Variants in SELENON observed in about 807,000 individuals in gnomAD.
SELENON encodes selenoprotein N, 1.
SELENON carries 44 observed loss-of-function variants against 59.5 expected under a neutral mutation model. That is an observed-to-expected ratio of 0.74 (90% confidence interval 0.58 to 0.95). SELENON has a LOEUF of 0.95. Ranked by LOEUF, SELENON falls within the 40% of genes least tolerant of loss-of-function variation. The pLI, the probability that SELENON is intolerant of heterozygous loss-of-function variation, is 0.00. For synonymous variants in SELENON, 320 were observed against 305.6 expected (o/e 1.05, Z -0.49); for missense variants, 674 against 721.4 (o/e 0.93, Z 0.75).
In SELENON at chr1:25,800,260, G is replaced by GC; in HGVS notation, c.32dup (p.Pro12AlafsTer71). ...GCCGGGCCCGGCCGGGCCAACGCGG[G>GC]CCGCCCAGCCCCGGCCCCGCCGCGC... is the stretch of plus-strand genomic sequence containing the variant. On this transcript the variant is annotated frameshift_variant, in exon 1 of 13. Transcript: ENST00000361547. LOFTEE classifies it high-confidence loss of function. The GC allele has an allele frequency of 1.1e-6, 1 of 935,542 alleles. No homozygotes were observed. Among genetic ancestry groups the GC allele is most frequent in the Non-Finnish European group, 1.3e-6 (1 of 787,330 alleles). 58.0% of individuals were successfully genotyped at this position (935,542 alleles called of 1,614,324 possible).
chr1:25,811,817 C>G lies in SELENON; in HGVS notation c.1219C>G (p.Gln407Glu). 2 of 1,586,144 alleles carry G rather than the reference C, an allele frequency of 1.3e-6. No homozygotes were observed. Among genetic ancestry groups the G allele is most frequent in the East Asian group, 2.3e-5 (1 of 43,788 alleles). Residue 407 changes from glutamine to glutamate, a missense_variant, in exon 9 of 13, where the codon CAG becomes GAG. Transcript: ENST00000361547. ...TGTGTTTGAGGAGATCAAGTGGCAGCAGGAGCTGAGCTGGGAGGAGGCTGC... is the reference window on the plus strand; with the variant it reads ...TGTGTTTGAGGAGATCAAGTGGCAGGAGGAGCTGAGCTGGGAGGAGGCTGC...
At position 25,805,126 on chromosome 1, in the gene SELENON, T is replaced by C. The variant is rs750712827; in HGVS notation, c.404-16T>C. On this transcript the variant is annotated splice_polypyrimidine_tract_variant and intron_variant, in intron 3 of 12. Transcript: ENST00000361547. ...TAGCATAAGGGCAGTGCCTCTCCGA[T>C]GTCTGTGTCTCATAGGGTCAACTCC... The C allele has an allele frequency of 1.2e-6, 2 of 1,612,770 alleles. No homozygotes were observed. The highest frequency in any genetic ancestry group is 1.7e-5 in the Admixed American group (1 of 60,000).
chr1:25,804,255 T>G (rs887361851), intron 3 of SELENON, among the ~76,000 whole-genome samples: 2 of 152,128 alleles, frequency 1.3e-5, no homozygotes, highest in Non-Finnish European at 2.9e-5. Context: ...ATTCAGTAGG[T>G]CTGAGGTGGG....
At position 25,801,163 on chromosome 1, in the gene SELENON, A is replaced by ACC; in HGVS notation, c.301+4_301+5dup. On this transcript the variant is annotated splice_donor_region_variant and intron_variant, in intron 2 of 12. Coordinates refer to ENST00000361547, the MANE Select transcript of SELENON (RefSeq NM_020451.3). ...ACCCATTGCTGAGAAGCTAACAGGT[A>ACC]CCAGGAGAGACTGGCGGCTGGGGAG... is the stretch of plus-strand genomic sequence containing the variant. 1 of 1,610,826 alleles carries ACC rather than the reference A, an allele frequency of 6.2e-7. No homozygotes were observed. The highest frequency in any genetic ancestry group is 8.5e-7 in the Non-Finnish European group (1 of 1,177,028).
In SELENON at chr1:25,801,126, T is replaced by A; in HGVS notation, c.267T>A (p.Pro89=). The A allele has an allele frequency of 3.1e-6, 5 of 1,614,114 alleles. No homozygotes were observed. Among genetic ancestry groups the A allele is most frequent in the Non-Finnish European group, 3.4e-6 (4 of 1,179,984 alleles). Residue 89 remains proline, a synonymous_variant, in exon 2 of 13, where the codon CCT becomes CCA. Transcript: ENST00000361547. The stretch of plus-strand genomic sequence containing the variant: ...CTGACGGGGATATGTACATCAGCCC[T>A]GAGGAGTTCAAACCCATTGCTGAGA...
Position 25,805,264 on chromosome 1 carries a change from G to T in SELENON, c.526G>T (p.Gly176Cys). The T allele has an allele frequency of 6.2e-7, 1 of 1,614,066 alleles. No homozygotes were observed. The highest frequency in any genetic ancestry group is 1.7e-5 in the Admixed American group (1 of 60,032). The change falls in exon 4 of 13, where the codon GGC becomes TGC. Residue 176 changes from glycine (G) to cysteine (C), a missense_variant. By Grantham distance (159) the Gly-to-Cys change is radical (BLOSUM62 -3). Coordinates refer to ENST00000361547, the MANE Select transcript of SELENON (RefSeq NM_020451.3). ...GGAGACCATGACCAAGAGCAAAGAT[G>T]GCTTCCTAGGGGTGAGTTGGGGACC...
chr1:25,810,952 G>A lies in SELENON; in HGVS notation c.1011-502G>A, dbSNP rs577183998. Among the ~76,000 whole-genome samples the A allele has an allele frequency of 3.5e-4, 53 of 152,324 alleles. 1 individual carries two copies. The South Asian group carries it at 4.6e-3, about 13-fold the overall frequency. On this transcript the variant is annotated intron_variant, in intron 7 of 12. Transcript: ENST00000361547. The stretch of plus-strand genomic sequence containing the variant: ...CACCAGGGACTGCTGACCCCCGGGG[G>A]TTACCTAGCTCTGCCCTCTGTGCCC...
chr1:25,810,427 T>A (rs903104485), intron 7 of SELENON, among the ~76,000 whole-genome samples: 1 of 152,108 alleles, frequency 6.6e-6, no homozygotes, highest in Non-Finnish European at 1.5e-5. Flanking sequence ...TGGCTTCAAG[T>A]TTGTCCAGAT....
Position 25,809,719 on chromosome 1 carries a change from CTT to C in SELENON, c.910_911del (p.Phe304ProfsTer?). ...AGTTCCAGCTCAGTGAGCCGCCCGA[CTT>C]CCCCTTTTGGTTCTCCCCTGCTCAG... On this transcript the variant is annotated frameshift_variant, in exon 7 of 13. Coordinates refer to ENST00000361547, the MANE Select transcript of SELENON (RefSeq NM_020451.3). LOFTEE classifies it high-confidence loss of function. 4 of 1,614,166 alleles carry C rather than the reference CTT, an allele frequency of 2.5e-6. No homozygotes were observed. The highest frequency in any genetic ancestry group is 3.4e-6 in the Non-Finnish European group (4 of 1,180,030).
rs201692549 is a variant in SELENON at position 25,805,153 on chromosome 1, G to A, written c.415G>A (p.Ala139Thr). Residue 139 changes from alanine (A) to threonine (T), a missense_variant, in exon 4 of 13, where the codon GCG becomes ACG. By Grantham distance (58) the Ala-to-Thr change is moderately conservative (BLOSUM62 0). Transcript: ENST00000361547. ...TCTGTGTCTCATAGGGTCAACTCCC[G>A]CGGCCAGCTGCGAGGAGGAGGAGTT... 1,820 of 1,613,466 alleles carry A rather than the reference G, an allele frequency of 1.1e-3. 1 individual carries two copies. The highest frequency in any genetic ancestry group is 1.4e-3 in the Non-Finnish European group (1,643 of 1,179,996).
In SELENON at chr1:25,805,173, G is replaced by T; in HGVS notation, c.435G>T (p.Glu145Asp). 2 of 1,614,044 alleles carry T rather than the reference G, an allele frequency of 1.2e-6. No homozygotes were observed. The highest frequency in any genetic ancestry group is 1.7e-4 in the Middle Eastern group (1 of 6,038). ...CTCCCGCGGCCAGCTGCGAGGAGGAGGAGTTGCCCCCTGACCCTAGCGAGG... is the reference window on the plus strand; with the variant it reads ...CTCCCGCGGCCAGCTGCGAGGAGGATGAGTTGCCCCCTGACCCTAGCGAGG... Residue 145 changes from glutamate (E) to aspartate (D), a missense_variant, in exon 4 of 13, where the codon GAG (glutamate) becomes GAT (aspartate). Coordinates refer to ENST00000361547, the MANE Select transcript of SELENON (RefSeq NM_020451.3).
chr1:25,801,206 C>A, intron 2 of SELENON, 46 bp downstream of exon 2: 1 of 1,472,482 alleles, frequency 6.8e-7, no homozygotes, highest in Non-Finnish European at 9.5e-7. Context: ...CCTTGGCCAA[C>A]GGTGTCTTCA....
chr1:25,812,193 A>G (rs2047967145), intron 9 of SELENON, among the ~76,000 whole-genome samples: 1 of 152,028 alleles, frequency 6.6e-6, no homozygotes, highest in Non-Finnish European at 1.5e-5. Context: ...AATTTTTTTA[A>G]TTACCTGGGG....
intron 12 of SELENON, among the ~76,000 whole-genome samples, chr1:25,814,770 C>T (rs3738450): frequency 0.2 from 29,972 of 152,110 alleles, 3,624 homozygotes; most frequent in East Asian, 0.32. Flanking sequence ...ATCTCCAGCT[C>T]TTCTGATCAA....
chr1:25,808,903 T>C, intron 5 of SELENON, 114 bp downstream of exon 4: 2 of 1,574,120 alleles, frequency 1.3e-6, no homozygotes, highest in Non-Finnish European at 1.7e-6. Context: ...TCTCCTGCCT[T>C]CCTCTGGACC....
rs1480889927 is a variant in SELENON at position 25,807,587 on chromosome 1, G to A, written c.538-993G>A. 3.3e-5 allele frequency among the ~76,000 whole-genome samples: 5 copies of A among 152,186 alleles called. No homozygotes were observed. The East Asian group carries it at 9.7e-4, about 29-fold the overall frequency. The stretch of plus-strand genomic sequence containing the variant: ...AGCCCCAGCAAGCCCAGCACCCATC[G>A]CTGGCAGGTCCCCTGCAGGGGGTGG... On this transcript the variant is annotated intron_variant, in intron 4 of 12. Coordinates refer to ENST00000361547, the MANE Select transcript of SELENON (RefSeq NM_020451.3). This position sits in a 1 kb window ranked among gnomAD's most constrained non-coding sequence, Gnocchi z 4.5.
Position 25,801,063 on chromosome 1 carries a change from G to A in SELENON, c.204G>A (p.Leu68=). ...AGCAGGAACTGGCGCTGAAGACCCT[G>A]GGGACAGATGGCCTTTTTCTCTTTT... Residue 68 remains leucine (L), a synonymous_variant, in exon 2 of 13, where the codon CTG becomes CTA. Transcript: ENST00000361547. 6.2e-7 allele frequency: 1 copy of A among 1,614,132 alleles called. No individual in the cohort carries two copies. Among genetic ancestry groups the A allele is most frequent in the Non-Finnish European group, 8.5e-7 (1 of 1,179,978 alleles).
intron 4 of SELENON, among the ~76,000 whole-genome samples, chr1:25,806,443 G>A (rs1045295707): frequency 1.3e-5 from 2 of 152,206 alleles, no homozygotes; most frequent in Non-Finnish European, 2.9e-5. Context: ...CGGAGGAGAT[G>A]GAGAGTAAGG....
chr1:25,810,274 A>T (rs982453892), intron 7 of SELENON, among the ~76,000 whole-genome samples: 1 of 152,222 alleles, frequency 6.6e-6, no homozygotes, highest in African/African-American at 2.4e-5. Flanking sequence ...GCAGAGGAAC[A>T]GCACATCCAA....
Sources: allele counts gnomAD v4.1 joint callset (sites outside exome capture counted in the v4.1 genomes callset), GRCh38; gene constraint gnomAD v4.1.1; non-coding constraint Gnocchi (gnomAD v3.1); transcripts MANE v1.5; gene names NCBI Gene and HGNC (gene_info 2026-07-23, HGNC 2026-07-21).